TMEM94: variants seen among roughly 807,000 people sequenced by gnomAD.
TMEM94 encodes ER Mg2+ ATPase.
A neutral mutation model predicts 158.6 loss-of-function variants in TMEM94; 81 were observed. That is an observed-to-expected ratio of 0.51 (90% CI 0.43 to 0.61). The LOEUF is 0.61. Ranked by LOEUF, TMEM94 falls within the 20% of genes least tolerant of loss-of-function variation. TMEM94 has a pLI of 0.00. For missense variants in TMEM94, 1,435 were observed against 1,762.0 expected (o/e 0.81, Z 3.32); for synonymous variants, 751 against 730.7 (o/e 1.03, Z -0.45).
chr17:75,480,968 A>G (rs2051113336), intron 2 of TMEM94, among the ~76,000 whole-genome samples: 1 of 152,050 alleles, frequency 6.6e-6, no homozygotes, highest in African/African-American at 2.4e-5. Flanking sequence ...GCCTGAGGGG[A>G]AGACACTGGA....
rs2146722931 is a variant in TMEM94, at chr17:75,491,589, G to T, written c.1387-102G>T. On this transcript the variant is annotated intron_variant, in intron 13 of 31. Coordinates refer to ENST00000314256, the MANE Select transcript of TMEM94 (RefSeq NM_014738.6). This position sits in a 1 kb window ranked among gnomAD's most constrained non-coding sequence, Gnocchi z 5.1. ...GGGCACCATTAGGATCTGCTTCTGG[G>T]CAGGTGAGGTGAAGACAAGGCAGCC... The T allele has an allele frequency of 1.9e-6, 3 of 1,554,562 alleles. No homozygotes were observed. In the East Asian group the frequency reaches 6.8e-5, roughly 35 times the overall value.
At chr17:75,497,705 C>T in intron 26 of TMEM94, 76 bp from the exon 27 acceptor site, 1 of 1,237,890 alleles carries the variant, frequency 8.1e-7, no homozygotes, top group Non-Finnish European at 1.2e-6. Flanking sequence ...GCAAGACTCC[C>T]TAGAGGTTCC....
At position 75,491,472 on chromosome 17, in the gene TMEM94, G is replaced by A. The variant is rs546200593; in HGVS notation, c.1386+17G>A. The A allele has an allele frequency of 2.9e-5, 46 of 1,613,932 alleles. No individual in the cohort carries two copies. The highest frequency in any genetic ancestry group is 8.9e-5 in the East Asian group (4 of 44,882). ...CATCCCGAGGTAGAGGAGGAGGTAC[G>A]GCCGGCTCCCATGGGCCCGACTCTG... On this transcript the variant is annotated intron_variant, in intron 13 of 31. Coordinates refer to ENST00000314256, the MANE Select transcript of TMEM94 (RefSeq NM_014738.6). The surrounding 1 kb of genome is among the most constrained non-coding windows in gnomAD (Gnocchi z 5.1).
Position 75,492,140 on chromosome 17 carries a change from C to T in TMEM94, c.1596+240C>T. 1.1e-6 allele frequency: 1 copy of T among 902,722 alleles called. No individual in the cohort carries two copies. The highest frequency in any genetic ancestry group is 1.6e-6 in the Non-Finnish European group (1 of 614,472). The allele number at this position is 902,722 out of a possible 1,614,324, so 55.9% of individuals were successfully genotyped here. On this transcript the variant is annotated intron_variant, in intron 14 of 31. Coordinates refer to ENST00000314256, the MANE Select transcript of TMEM94 (RefSeq NM_014738.6). The surrounding 1 kb of genome is among the most constrained non-coding windows in gnomAD (Gnocchi z 4.4). Reference sequence around the variant, plus strand: ...TCACTGGTGTCCCTACTGGAACCTTCCAAATATACACAGCCCGGAGCTCCC... The same window carrying T: ...TCACTGGTGTCCCTACTGGAACCTTTCAAATATACACAGCCCGGAGCTCCC...
chr17:75,495,767 G>A lies in TMEM94; in HGVS notation c.2944+124G>A. On this transcript the variant is annotated intron_variant, in intron 22 of 31. Transcript: ENST00000314256. The surrounding 1 kb of genome is among the most constrained non-coding windows in gnomAD (Gnocchi z 5.6). ...CCCATGCAGGGAGTAAAGGAACCTG[G>A]GCTGGGATCAGCTGGGGAATCTTGT... The A allele has an allele frequency of 3.1e-6, 3 of 975,000 alleles. No individual in the cohort carries two copies. The highest frequency in any genetic ancestry group is 3.2e-6 in the Non-Finnish European group (2 of 633,422). 60.4% of individuals were successfully genotyped at this position (975,000 alleles called of 1,614,324 possible).
Position 75,486,240 on chromosome 17 carries a change from T to TG in TMEM94, c.273-47dup, listed in dbSNP as rs2051593771. ...GAGCTGTGGCCTGGGGGCTGCTGGG[T>TG]GGGCGAGCCCTCACTCCCTGTGGGT... On this transcript the variant is annotated intron_variant, in intron 4 of 31. Coordinates refer to ENST00000314256, the MANE Select transcript of TMEM94 (RefSeq NM_014738.6). 1.9e-6 allele frequency: 3 copies of TG among 1,608,200 alleles called. No individual in the cohort carries two copies. In the East Asian group the frequency reaches 6.7e-5, roughly 36 times the overall value.
intron 2 of TMEM94, among the ~76,000 whole-genome samples, chr17:75,478,438 C>T (rs1380991760): frequency 6.6e-6 from 1 of 151,782 alleles, no homozygotes; most frequent in African/African-American, 2.4e-5. Flanking sequence ...AGAAACCTGA[C>T]GGAAGCGGCA....
rs1567967276 is a variant in TMEM94 at position 75,493,842 on chromosome 17, T to C, written c.2333T>C (p.Ile778Thr). The C allele has an allele frequency of 1.9e-6, 3 of 1,613,582 alleles. No individual in the cohort carries two copies. Among genetic ancestry groups the C allele is most frequent in the African/African-American group, 1.3e-5 (1 of 75,000 alleles). ...ELVQVPGQSS[I>T]FTMCELPSTI... is the part of the protein sequence containing the mutation. Reference sequence around the variant, plus strand: ...GTACAGGTGCCCGGCCAAAGCAGCATCTTCACCATGTGCGAGCTGCCCAGC... The same window carrying C: ...GTACAGGTGCCCGGCCAAAGCAGCACCTTCACCATGTGCGAGCTGCCCAGC... The change falls in exon 18 of 32, where the codon ATC (isoleucine) becomes ACC (threonine). Residue 778 changes from isoleucine (I) to threonine (T), a missense_variant. By Grantham distance (89) the Ile-to-Thr change is moderately conservative (BLOSUM62 -1). Coordinates refer to ENST00000314256, the MANE Select transcript of TMEM94 (RefSeq NM_014738.6).
At chr17:75,469,793 A>G (rs1000487164) in intron 1 of TMEM94, among the ~76,000 whole-genome samples, 1 of 151,886 alleles carries the variant, frequency 6.6e-6, no homozygotes, top group South Asian at 2.1e-4. Flanking sequence ...TCTACCAAAG[A>G]AGTAGTGATA....
In TMEM94 at chr17:75,498,094, G is replaced by A. The variant is rs1193380698; in HGVS notation, c.3490-81G>A. 4.5e-6 allele frequency: 7 copies of A among 1,569,110 alleles called. No individual in the cohort carries two copies. The highest frequency in any genetic ancestry group is 1.3e-5 in the African/African-American group (1 of 74,096). On this transcript the variant is annotated intron_variant, in intron 27 of 31. Transcript: ENST00000314256. This position sits in a 1 kb window ranked among gnomAD's most constrained non-coding sequence, Gnocchi z 6.7. The stretch of plus-strand genomic sequence containing the variant: ...CCCCAGGCCTGACCATTTACTAAGA[G>A]CCCGTTGAATACGTGGAAGAGCTAG...
At position 75,485,582 on chromosome 17, in the gene TMEM94, TG is replaced by T. The variant is rs1315174951; in HGVS notation, c.144+38del. The T allele has an allele frequency of 6.2e-7, 1 of 1,613,590 alleles. No homozygotes were observed. Among genetic ancestry groups the T allele is most frequent in the African/African-American group, 1.3e-5 (1 of 74,922 alleles). On this transcript the variant is annotated intron_variant, in intron 3 of 31. Transcript: ENST00000314256. This position sits in a 1 kb window ranked among gnomAD's most constrained non-coding sequence, Gnocchi z 5.5. ...CTTCTCGGGGCTACCAGGGCCTGGCTGGGATGGCAGGGAAGTGTGGGAGGCC... is the reference window on the plus strand; with the variant it reads ...CTTCTCGGGGCTACCAGGGCCTGGCTGGATGGCAGGGAAGTGTGGGAGGCC...
intron 5 of TMEM94, 74 bp downstream of exon 5, chr17:75,486,500 C>T (rs2051626685): frequency 6.3e-7 from 1 of 1,578,772 alleles, no homozygotes; most frequent in Non-Finnish European, 8.7e-7. Context: ...TCCCCTCCTG[C>T]ACCCCAGCAC....
chr17:75,490,697 T>C lies in TMEM94; in HGVS notation c.1072-5T>C. Reference sequence around the variant, plus strand: ...CACTGAGGACCTCACCCTCTCTCCGTGCAGCTGGCTAAGTTCTCAGAGGAT... The same window carrying C: ...CACTGAGGACCTCACCCTCTCTCCGCGCAGCTGGCTAAGTTCTCAGAGGAT... On this transcript the variant is annotated splice_polypyrimidine_tract_variant and splice_region_variant and intron_variant, in intron 10 of 31. Coordinates refer to ENST00000314256, the MANE Select transcript of TMEM94 (RefSeq NM_014738.6). The C allele has an allele frequency of 6.2e-6, 10 of 1,614,002 alleles. No homozygotes were observed. Among genetic ancestry groups the C allele is most frequent in the Non-Finnish European group, 8.5e-6 (10 of 1,179,890 alleles).
At position 75,491,276 on chromosome 17, in the gene TMEM94, T is replaced by A; in HGVS notation, c.1234-27T>A. On this transcript the variant is annotated intron_variant, in intron 12 of 31. Transcript: ENST00000314256. The surrounding 1 kb of genome is among the most constrained non-coding windows in gnomAD (Gnocchi z 5.1). ...CAGGATAGGCTAATGCCAGGCCCCT[T>A]TCCTATCTCAAATGCTTTCCATGCA... The A allele has an allele frequency of 1.9e-6, 3 of 1,613,350 alleles. No individual in the cohort carries two copies. The highest frequency in any genetic ancestry group is 1.7e-6 in the Non-Finnish European group (2 of 1,179,482).
chr17:75,462,512 T>C (rs1177742274), intron 1 of TMEM94, among the ~76,000 whole-genome samples: 4 of 151,526 alleles, frequency 2.6e-5, no homozygotes, highest in African/African-American at 9.7e-5. Context: ...TGGGAGCTCA[T>C]TGCTTCACAG....
At position 75,499,352 on chromosome 17, in the gene TMEM94, C is replaced by T. The variant is rs1468293286; in HGVS notation, c.*18C>T. On this transcript the variant is annotated 3_prime_UTR_variant, in exon 32 of 32. Transcript: ENST00000314256. ...CCTTCTGAGCCACTGGCTGTGGTGG[C>T]TGTAGTTGCCCCCGTCCCTGGGGCT... is the stretch of plus-strand genomic sequence containing the variant. The T allele has an allele frequency of 6.2e-7, 1 of 1,610,300 alleles. No homozygotes were observed. The highest frequency in any genetic ancestry group is 8.5e-7 in the Non-Finnish European group (1 of 1,177,102).
chr17:75,492,438 A>G lies in TMEM94; in HGVS notation c.1597-36A>G, dbSNP rs772436812. ...GCCAGTGCTGGCTTCCCCACACCCTATCCCGGGCTGAGGCTCTCCTCCACA... is the reference window on the plus strand; with the variant it reads ...GCCAGTGCTGGCTTCCCCACACCCTGTCCCGGGCTGAGGCTCTCCTCCACA... On this transcript the variant is annotated intron_variant, in intron 14 of 31. Transcript: ENST00000314256. This position sits in a 1 kb window ranked among gnomAD's most constrained non-coding sequence, Gnocchi z 4.4. 12 of 1,550,832 alleles carry G rather than the reference A, an allele frequency of 7.7e-6. No individual in the cohort carries two copies. Among genetic ancestry groups the G allele is most frequent in the South Asian group, 1.2e-5 (1 of 80,674 alleles).
At chr17:75,467,520 CTTTTTT>C (rs947595391) in intron 1 of TMEM94, among the ~76,000 whole-genome samples, 4 of 99,134 alleles carry the variant, frequency 4.0e-5, no homozygotes, top group African/African-American at 1.2e-4. Flanking sequence ...ATTTCTTTTT[CTTTTTT>C]TTTTTTTTTT....
intron 26 of TMEM94, among the ~76,000 whole-genome samples, chr17:75,497,446 C>T (rs1157914688): frequency 2.0e-5 from 3 of 150,258 alleles, no homozygotes; most frequent in Admixed American, 6.7e-5. Flanking sequence ...CTCCGCCTCC[C>T]GGGCTCAAGT....
Sources: gnomAD v4.1 joint callset for allele counts (sites outside exome capture counted in the v4.1 genomes callset) on GRCh38, gnomAD v4.1.1 for gene constraint, Gnocchi (gnomAD v3.1) non-coding constraint, MANE v1.5 for transcripts, NCBI Gene and HGNC (gene_info 2026-07-23, HGNC 2026-07-21) for gene names.